Variants in LTBP1 observed in about 807,000 individuals in gnomAD.
LTBP1 encodes latent transforming growth factor beta binding protein 1.
In LTBP1, 129 loss-of-function variants were observed where a neutral mutation model predicts 207.6. The observed-to-expected ratio is 0.62, with a 90% CI of 0.54 to 0.72. The LOEUF (loss-of-function observed/expected upper bound fraction) is 0.72, where lower values mean the gene tolerates loss of function less well. LTBP1 is among the 30% of genes least tolerant of loss of function. The probability of loss-of-function intolerance (pLI) is 0.00; values close to 1 mark genes in which losing one functional copy is unlikely to be tolerated. For synonymous variants in LTBP1, 963 were observed against 833.7 expected, an observed-to-expected ratio of 1.16 and a Z score of -2.67; for missense variants, 2,281 against 2,217.2, an observed-to-expected ratio of 1.03 and a Z score of -0.58.
chr2:33,050,825 C>T (rs1327719263), intron 3 of LTBP1, among the ~76,000 whole-genome samples: 2 of 152,076 alleles, frequency 1.3e-5, no homozygotes, highest in East Asian at 3.9e-4. Context: ...CCTCCGCCTC[C>T]CGGGTTCAAG....
intron 2 of LTBP1, among the ~76,000 whole-genome samples, chr2:32,982,448 T>A (rs994603899): frequency 1.3e-5 from 2 of 152,154 alleles, no homozygotes; most frequent in African/African-American, 2.4e-5. Context: ...CTGCAGAAAT[T>A]TGTGTAAGTA....
At chr2:33,027,411 A>G (rs954160207) in intron 3 of LTBP1, among the ~76,000 whole-genome samples, 1 of 152,218 alleles carries the variant, frequency 6.6e-6, no homozygotes, top group East Asian at 1.9e-4. Flanking sequence ...TACAGTATAC[A>G]GTATTATTTA....
intron 3 of LTBP1, among the ~76,000 whole-genome samples, chr2:33,028,701 G>A (rs948684961): frequency 5.0e-4 from 76 of 152,282 alleles, no homozygotes; most frequent in African/African-American, 1.7e-3. Flanking sequence ...TGTAGCAAAT[G>A]ATGGGACCCA....
chr2:33,391,809 T>A lies in LTBP1; in HGVS notation c.4834+2503T>A, dbSNP rs574891913. On this transcript the variant is annotated intron_variant, in intron 32 of 33. Coordinates refer to ENST00000404816, the MANE Select transcript of LTBP1 (RefSeq NM_206943.4). The stretch of plus-strand genomic sequence containing the variant: ...GGCATTGCTTTAAAGCTCTTTTTTT[T>A]AATTAACTACACATGTTAAGAAATA... 8.2e-3 allele frequency among the ~76,000 whole-genome samples: 1,227 copies of A among 149,562 alleles called. 20 individuals are homozygous for A. The highest frequency in any genetic ancestry group is 0.029 in the African/African-American group (1,172 of 40,784).
chr2:33,193,277 A>T (rs1248321285), intron 7 of LTBP1, among the ~76,000 whole-genome samples: 1 of 151,732 alleles, frequency 6.6e-6, no homozygotes, highest in Non-Finnish European at 1.5e-5. Flanking sequence ...GAGTGGCTGG[A>T]ATTACAGGTG....
In LTBP1 at chr2:33,258,053, A is replaced by G. The variant is rs1422290334; in HGVS notation, c.2395+542A>G. Among the ~76,000 whole-genome samples the G allele has an allele frequency of 2.0e-5, 3 of 152,220 alleles. No homozygotes were observed. The South Asian group carries it at 6.2e-4, about 32-fold the overall frequency. ...CTAGAGAGGGGACATGACTTGCCAG[A>G]TGTCATATAGAGAACATGTAATGGG... is the stretch of plus-strand genomic sequence containing the variant. On this transcript the variant is annotated intron_variant, in intron 12 of 33. Transcript: ENST00000404816.
intron 6 of LTBP1, among the ~76,000 whole-genome samples, chr2:33,187,888 G>A (rs548267230): frequency 1.9e-4 from 29 of 152,196 alleles, no homozygotes; most frequent in Admixed American, 9.2e-4. Context: ...CAATTTTTAT[G>A]ACAGAAATTT....
intron 24 of LTBP1, among the ~76,000 whole-genome samples, chr2:33,339,163 A>G (rs955125365): frequency 2.0e-5 from 3 of 152,054 alleles, no homozygotes; most frequent in African/African-American, 7.2e-5. Flanking sequence ...GAAGGGTGAT[A>G]TTAAGATTTC....
rs1185905396 is a variant in LTBP1 at position 33,243,642 on chromosome 2, A to G, written c.1877-20A>G. 3 of 1,612,550 alleles carry G rather than the reference A, an allele frequency of 1.9e-6. No homozygotes were observed. Among genetic ancestry groups the G allele is most frequent in the South Asian group, 2.2e-5 (2 of 90,812 alleles). Reference sequence around the variant, plus strand: ...AATGGGGCTTGACTGCTCCTTCTAAAGAATTGTGTTTTCCTGCAGATATTA... The same window carrying G: ...AATGGGGCTTGACTGCTCCTTCTAAGGAATTGTGTTTTCCTGCAGATATTA... On this transcript the variant is annotated intron_variant, in intron 9 of 33. Coordinates refer to ENST00000404816, the MANE Select transcript of LTBP1 (RefSeq NM_206943.4).
chr2:32,974,271 A>G (rs943526571), intron 2 of LTBP1, among the ~76,000 whole-genome samples: 13 of 151,890 alleles, frequency 8.6e-5, no homozygotes, highest in East Asian at 1.9e-4. Flanking sequence ...GTTATTGTCT[A>G]TTTTTTCATA....
At chr2:32,969,521 A>C (rs1322736848) in intron 2 of LTBP1, among the ~76,000 whole-genome samples, 1 of 152,098 alleles carries the variant, frequency 6.6e-6, no homozygotes, top group East Asian at 1.9e-4. Context: ...AAGAACATGC[A>C]GTATTTGGTT....
intron 31 of LTBP1, among the ~76,000 whole-genome samples, chr2:33,368,552 A>C (rs1470840403): frequency 6.6e-6 from 1 of 152,252 alleles, no homozygotes; most frequent in African/African-American, 2.4e-5. Context: ...ACAAATAAAA[A>C]TACCAGGCTA....
intron 2 of LTBP1, among the ~76,000 whole-genome samples, chr2:32,960,857 G>A (rs72789869): frequency 2.0e-5 from 3 of 152,254 alleles, no homozygotes; most frequent in Non-Finnish European, 4.4e-5. Context: ...GGTCATTATC[G>A]TTGGGTTGTC....
At position 33,266,492 on chromosome 2, in the gene LTBP1, G is replaced by A. The variant is rs1206102929; in HGVS notation, c.2617+3100G>A. On this transcript the variant is annotated intron_variant, in intron 15 of 33. Transcript: ENST00000404816. The stretch of plus-strand genomic sequence containing the variant: ...CTGGGGGCCAGGCTGCCAGTTCCAG[G>A]TGTAGTCCACGGTCCAGAGTGAAGA... Among the ~76,000 whole-genome samples the A allele has an allele frequency of 3.9e-5, 6 of 152,142 alleles. No homozygotes were observed. In the East Asian group the frequency reaches 5.8e-4, roughly 15 times the overall value.
chr2:33,063,824 G>A (rs933248062), intron 3 of LTBP1, among the ~76,000 whole-genome samples: 164 of 150,332 alleles, frequency 1.1e-3, no homozygotes, highest in African/African-American at 3.9e-3. Context: ...AAGATGTTTT[G>A]TTAAATATAT....
intron 3 of LTBP1, among the ~76,000 whole-genome samples, chr2:33,022,024 A>G (rs2075197067): frequency 2.0e-5 from 3 of 152,180 alleles, no homozygotes; most frequent in Non-Finnish European, 2.9e-5. Context: ...GAAGTTCCCA[A>G]CTTAAAAATG....
chr2:33,005,994 TTC>T (rs1686808123), intron 2 of LTBP1, among the ~76,000 whole-genome samples: 1 of 152,182 alleles, frequency 6.6e-6, no homozygotes, highest in Non-Finnish European at 1.5e-5. Context: ...ATGGTCTTTT[TTC>T]TCTTTCTTCC....
At chr2:33,196,909 TGACCACA>T (rs2088629603) in intron 7 of LTBP1, among the ~76,000 whole-genome samples, 1 of 152,244 alleles carries the variant, frequency 6.6e-6, no homozygotes, top group Non-Finnish European at 1.5e-5. Context: ...CTTAAATTCA[TGACCACA>T]GAGGACATTT....
At chr2:33,296,083 A>G (rs2093869704) in intron 20 of LTBP1, among the ~76,000 whole-genome samples, 1 of 152,196 alleles carries the variant, frequency 6.6e-6, no homozygotes, top group Non-Finnish European at 1.5e-5. Flanking sequence ...TATGAGAAGC[A>G]TCTGAAAGGT....
Sources: allele counts gnomAD v4.1 joint callset (sites outside exome capture counted in the v4.1 genomes callset), GRCh38; gene constraint gnomAD v4.1.1; transcripts MANE v1.5; gene names NCBI Gene and HGNC (gene_info 2026-07-23, HGNC 2026-07-21).